GXYLT1: variants seen among roughly 807,000 people sequenced by gnomAD.
GXYLT1 encodes glycosyltransferase 8 domain containing 3.
A neutral mutation model predicts 54.0 loss-of-function variants in GXYLT1; 29 were observed. That is an observed-to-expected ratio of 0.54 (90% CI 0.40 to 0.73). GXYLT1 has a LOEUF of 0.73. Among genes scored for constraint, GXYLT1 ranks in the 30% least tolerant of loss-of-function variants. The pLI is 0.00. For missense variants in GXYLT1, 490 were observed against 553.4 expected (o/e 0.89, Z 1.15); for synonymous variants, 176 against 204.1 (o/e 0.86, Z 1.17).
At chr12:42,130,423 G>T (rs1353676625) in intron 1 of GXYLT1, among the ~76,000 whole-genome samples, 1 of 151,748 alleles carries the variant, frequency 6.6e-6, no homozygotes, top group African/African-American at 2.4e-5. Flanking sequence ...CACAATGAGA[G>T]AACATCTCAC....
In GXYLT1 at chr12:42,084,012, TA is replaced by T. The variant is rs2065270125; in HGVS notation, c.*3773del. ...AAGACATAAAATGTTGAATTGGCAC[TA>T]AATGATCAGTGAGTAGGGTGATTGG... On this transcript the variant is annotated 3_prime_UTR_variant, in exon 8 of 8. Coordinates refer to ENST00000398675, the MANE Select transcript of GXYLT1 (RefSeq NM_173601.2). The T allele has an allele frequency of 1.3e-5, 2 of 151,480 alleles. No homozygotes were observed. The highest frequency in any genetic ancestry group is 2.9e-5 in the Non-Finnish European group (2 of 67,938). 9.4% of individuals were successfully genotyped at this position (151,480 alleles called of 1,614,324 possible). A position where few individuals can be genotyped will look rare whatever the true frequency, so the allele number is the denominator to read the frequency against.
chr12:42,136,449 T>C (rs944177932), intron 1 of GXYLT1, among the ~76,000 whole-genome samples: 7 of 152,146 alleles, frequency 4.6e-5, no homozygotes, highest in Non-Finnish European at 1.0e-4. Flanking sequence ...ACTATACCCA[T>C]ACTGACATTC....
intron 7 of GXYLT1, among the ~76,000 whole-genome samples, chr12:42,090,553 G>T (rs2065323705): frequency 6.6e-6 from 1 of 152,176 alleles, no homozygotes; most frequent in Admixed American, 6.5e-5. Context: ...TGATTTTTAG[G>T]AAGCTCATGC....
chr12:42,144,334 G>T, intron 1 of GXYLT1, 92 bp downstream of exon 1: 1 of 771,812 alleles, frequency 1.3e-6, no homozygotes, highest in Non-Finnish European at 1.8e-6. Context: ...CGCGGGAGAC[G>T]CGGCACCCAC....
intron 2 of GXYLT1, among the ~76,000 whole-genome samples, chr12:42,120,341 T>C (rs1465464437): frequency 6.6e-6 from 1 of 152,166 alleles, no homozygotes; most frequent in Non-Finnish European, 1.5e-5. Context: ...TTACCAAATA[T>C]CTAGGAAGAT....
rs748710200 is a variant in GXYLT1, at chr12:42,097,631, CCAAA to C, written c.989-21_989-18del. On this transcript the variant is annotated intron_variant, in intron 6 of 7. Transcript: ENST00000398675. ...AAAGGCTTTCTACATAAAGAAAAGA[CCAAA>C]CAATGAAGCAAATACCCCTAATTCC... 43 of 1,594,368 alleles carry C rather than the reference CCAAA, an allele frequency of 2.7e-5. No homozygotes were observed. The highest frequency in any genetic ancestry group is 3.7e-5 in the Non-Finnish European group (43 of 1,173,332).
Position 42,111,844 on chromosome 12 carries a change from TG to T in GXYLT1, c.487-2154del, listed in dbSNP as rs58005383. Among the ~76,000 whole-genome samples, 1,214 of 152,266 alleles carry T rather than the reference TG, an allele frequency of 8.0e-3. 18 individuals carry two copies. The highest frequency in any genetic ancestry group is 0.027 in the African/African-American group (1,103 of 41,558). On this transcript the variant is annotated intron_variant, in intron 3 of 7. Transcript: ENST00000398675. ...AGAACGGGCAGACTGCCTCCTCAAG[TG>T]GGGTCCCTGAACCCTGAGTAGCCTA...
intron 2 of GXYLT1, 22 bp from the exon 3 acceptor site, chr12:42,119,193 T>C: frequency 6.7e-7 from 1 of 1,500,378 alleles, no homozygotes. Flanking sequence ...GAAAACCACA[T>C]TTTTCAACAG....
rs1327776878 is a variant in GXYLT1 at position 42,083,717 on chromosome 12, G to T, written c.*4069C>A. 6.6e-6 allele frequency: 1 copy of T among 152,254 alleles called. No individual in the cohort carries two copies. The highest frequency in any genetic ancestry group is 1.5e-5 in the Non-Finnish European group (1 of 68,046). 9.4% of individuals were successfully genotyped at this position (152,254 alleles called of 1,614,324 possible). On this transcript the variant is annotated 3_prime_UTR_variant, in exon 8 of 8. Coordinates refer to ENST00000398675, the MANE Select transcript of GXYLT1 (RefSeq NM_173601.2). ...TATCCCAACTGAGGAATAAATAGGT[G>T]TAATTTATTGCTTAATTTGCCATCC...
At chr12:42,101,277 GA>G (rs1263847778) in intron 5 of GXYLT1, among the ~76,000 whole-genome samples, 3 of 152,036 alleles carry the variant, frequency 2.0e-5, no homozygotes, top group African/African-American at 7.2e-5. Context: ...CACAAAAGAA[GA>G]AACAGAAATG....
chr12:42,137,773 A>C (rs2065628992), intron 1 of GXYLT1, among the ~76,000 whole-genome samples: 1 of 151,424 alleles, frequency 6.6e-6, no homozygotes, highest in Non-Finnish European at 1.5e-5. Context: ...AAAAAAAAAA[A>C]AAAAAGTCAG....
Position 42,083,042 on chromosome 12 carries a change from G to C in GXYLT1, c.*4744C>G, listed in dbSNP as rs1446600058. ...TCCCATTAAACATCTGAAATTATTG[G>C]TAGAAATGAGGTGATAATAAATATT... On this transcript the variant is annotated 3_prime_UTR_variant, in exon 8 of 8. Coordinates refer to ENST00000398675, the MANE Select transcript of GXYLT1 (RefSeq NM_173601.2). 1 of 152,004 alleles carries C rather than the reference G, an allele frequency of 6.6e-6. No individual in the cohort carries two copies. Among genetic ancestry groups the C allele is most frequent in the Admixed American group, 6.6e-5 (1 of 15,260 alleles). 9.4% of individuals were successfully genotyped at this position (152,004 alleles called of 1,614,324 possible). A position where few individuals can be genotyped will look rare whatever the true frequency, so the allele number is the denominator to read the frequency against.
intron 3 of GXYLT1, among the ~76,000 whole-genome samples, chr12:42,116,873 C>T (rs938819468): frequency 6.6e-6 from 1 of 152,066 alleles, no homozygotes; most frequent in Non-Finnish European, 1.5e-5. Context: ...GACTTGGAAC[C>T]AACCTAAATG....
rs962362541 is a variant in GXYLT1 at position 42,115,770 on chromosome 12, G to GA, written c.486+3229dup. Reference sequence around the variant, plus strand: ...ACCAATGACTTTCTTCACAGAATTGGAAAAACTACTTTAAAGTTCATATGG... The same window carrying GA: ...ACCAATGACTTTCTTCACAGAATTGGAAAAAACTACTTTAAAGTTCATATGG... On this transcript the variant is annotated intron_variant, in intron 3 of 7. Coordinates refer to ENST00000398675, the MANE Select transcript of GXYLT1 (RefSeq NM_173601.2). Among the ~76,000 whole-genome samples the GA allele has an allele frequency of 1.7e-4, 26 of 151,846 alleles. 1 individual carries two copies. Among genetic ancestry groups the GA allele is most frequent in the African/African-American group, 2.4e-4 (10 of 41,424 alleles).
chr12:42,103,774 G>T (rs2065403460), intron 5 of GXYLT1, among the ~76,000 whole-genome samples: 1 of 151,164 alleles, frequency 6.6e-6, no homozygotes. Context: ...ATCATCTTGT[G>T]TTTTTTTTCA....
Position 42,129,808 on chromosome 12 carries a change from G to A in GXYLT1, c.265C>T (p.Leu89=). 1 of 1,613,614 alleles carries A rather than the reference G, an allele frequency of 6.2e-7. No homozygotes were observed. The highest frequency in any genetic ancestry group is 2.2e-5 in the East Asian group (1 of 44,826). The change falls in exon 2 of 8, where the codon CTG becomes TTG. Residue 89 remains leucine, a synonymous_variant. Transcript: ENST00000398675. ...SLCYWNPYWM[L]PSDVCGMNCF... Reference sequence around the variant, plus strand: ...TTCATTCCACAAACATCAGAGGGCAGCATCCAATAGGGATTCCAGTAACAC... The same window carrying A: ...TTCATTCCACAAACATCAGAGGGCAACATCCAATAGGGATTCCAGTAACAC...
chr12:42,129,882 G>A (rs777576563), intron 1 of GXYLT1, 31 bp from the exon 2 acceptor site: 7 of 1,433,380 alleles, frequency 4.9e-6, no homozygotes, highest in Non-Finnish European at 6.9e-6. Flanking sequence ...TAAGAGTCCT[G>A]TGTGAGTATT....
At position 42,087,811 on chromosome 12, in the gene GXYLT1, T is replaced by C. The variant is rs2065304932; in HGVS notation, c.1298A>G (p.Tyr433Cys). ...TCACTTTTCCTTTGGTGATCTGGCA[T>C]AACGATCTCTTACACTTTTTGCTAG... The part of the protein sequence containing the change: ...KQLAKSVRDR[Y>C]ARSPKEK The change falls in exon 8 of 8, where the codon TAT (tyrosine) becomes TGT (cysteine). Residue 433 changes from tyrosine to cysteine, a missense_variant. By Grantham distance (194) the Tyr-to-Cys change is radical (BLOSUM62 -2). This residue lies in a region of GXYLT1 where 342 missense variants were observed against 342.6 expected (regional missense o/e 1.00). Transcript: ENST00000398675. The C allele has an allele frequency of 6.2e-7, 1 of 1,605,702 alleles. No individual in the cohort carries two copies.
chr12:42,087,814 C>T lies in GXYLT1; in HGVS notation c.1295G>A (p.Arg432His), dbSNP rs1429682043. 15 of 1,604,964 alleles carry T rather than the reference C, an allele frequency of 9.3e-6. No homozygotes were observed. The highest frequency in any genetic ancestry group is 3.4e-5 in the Admixed American group (2 of 58,654). Residue 432 changes from arginine to histidine, a missense_variant, in exon 8 of 8, where the codon CGT becomes CAT. Arg to His is a conservative substitution (Grantham distance 29). Coordinates refer to ENST00000398675, the MANE Select transcript of GXYLT1 (RefSeq NM_173601.2). ...IKQLAKSVRD[R>H]YARSPKEK ...CTTTTCCTTTGGTGATCTGGCATAACGATCTCTTACACTTTTTGCTAGTTG... is the reference window on the plus strand; with the variant it reads ...CTTTTCCTTTGGTGATCTGGCATAATGATCTCTTACACTTTTTGCTAGTTG...
Sources: gnomAD v4.1 joint callset for allele counts (sites outside exome capture counted in the v4.1 genomes callset) on GRCh38, gnomAD v4.1.1 for gene constraint, gnomAD v4.1.1 regional missense constraint, MANE v1.5 for transcripts, NCBI Gene and HGNC (gene_info 2026-07-23, HGNC 2026-07-21) for gene names.